The following ABI3BP variants were observed in gnomAD, a reference collection of about 807,000 sequenced individuals.
ABI3BP encodes ABI family member 3 binding protein, also known as target of Nesh-SH3.
Under a neutral mutation model 268.6 loss-of-function variants are expected in ABI3BP, and 216 were observed. The observed-to-expected ratio is 0.80, with a 90% confidence interval of 0.72 to 0.90. The LOEUF is 0.90. ABI3BP is among the 40% of genes least tolerant of loss of function. ABI3BP has a pLI of 0.00. For missense variants in ABI3BP, 2,090 were observed against 2,182.4 expected (o/e 0.96, Z 0.84); for synonymous variants, 730 against 730.0 (o/e 1.00, Z 0.00).
At chr3:100,849,224 C>CTTT (rs547312079) in intron 17 of ABI3BP, among the ~76,000 whole-genome samples, 29,566 of 125,204 alleles carry the variant, frequency 0.24, 3,916 homozygotes, top group South Asian at 0.3. Flanking sequence ...TTTGGAACTA[C>CTTT]TTTTTTTTTT....
chr3:100,927,077 A>G (rs1020650679), intron 1 of ABI3BP, among the ~76,000 whole-genome samples: 3 of 152,118 alleles, frequency 2.0e-5, no homozygotes, highest in African/African-American at 7.2e-5. Context: ...AGTGAGTGGG[A>G]TTTCTAAGTG....
chr3:100,766,292 G>C (rs920390939), intron 62 of ABI3BP, among the ~76,000 whole-genome samples: 3 of 152,222 alleles, frequency 2.0e-5, no homozygotes, highest in Admixed American at 6.5e-5. Flanking sequence ...TGCCGCTGCT[G>C]CAAAGCCCCA....
chr3:100,984,341 T>C (rs1227513617), intron 1 of ABI3BP, among the ~76,000 whole-genome samples: 1 of 152,228 alleles, frequency 6.6e-6, no homozygotes, highest in African/African-American at 2.4e-5. Flanking sequence ...AAATATTGAA[T>C]TGCTATGTCA....
rs114820011 is a variant in ABI3BP at position 100,787,479 on chromosome 3, G to A, written c.4162+249C>T. On this transcript the variant is annotated intron_variant, in intron 57 of 67. Transcript: ENST00000471714. ...ACTCAATTTATTCTTAATCAGGATC[G>A]TTTTCAGAAGCAAGATTATATATAG... Among the ~76,000 whole-genome samples, 549 of 152,120 alleles carry A rather than the reference G, an allele frequency of 3.6e-3. 5 individuals carry two copies. The highest frequency in any genetic ancestry group is 5.3e-3 in the Non-Finnish European group (361 of 67,972).
In ABI3BP at chr3:100,950,743, C is replaced by A. The variant is rs138198857; in HGVS notation, c.80-24262G>T. ...ACAAATATCTAATGGCATTTCATAT[C>A]TTTTCCACAAGGAAATCTTTCTTCT... On this transcript the variant is annotated intron_variant, in intron 1 of 67. Transcript: ENST00000471714. 7.3e-3 allele frequency among the ~76,000 whole-genome samples: 1,112 copies of A among 152,016 alleles called. 34 individuals are homozygous for A. The highest frequency in any genetic ancestry group is 0.026 in the African/African-American group (1,058 of 41,326).
intron 1 of ABI3BP, among the ~76,000 whole-genome samples, chr3:100,964,203 C>T (rs1212178811): frequency 1.3e-5 from 2 of 152,116 alleles, no homozygotes; most frequent in African/African-American, 2.4e-5. Flanking sequence ...GCGGCTCCAT[C>T]TTCCCTTTCT....
chr3:100,789,479 T>A lies in ABI3BP; in HGVS notation c.4062A>T (p.Thr1354=), dbSNP rs531667995. 141 of 1,601,480 alleles carry A rather than the reference T, an allele frequency of 8.8e-5. No individual in the cohort carries two copies. In the South Asian group the frequency reaches 1.5e-3, roughly 17 times the overall value. ...CAGGTCTGATGTGTGGCTTGTCAGA[T>A]GTTCTGGGCCTCACAGTAGTATAAA... ...HRFYTTVRPR[T]SDKPHIRPVL... is the part of the protein sequence containing the mutation. Residue 1354 remains threonine (T), a synonymous_variant, in exon 56 of 68, where the codon ACA becomes ACT. Coordinates refer to ENST00000471714, the MANE Select transcript of ABI3BP (RefSeq NM_001375547.2).
intron 1 of ABI3BP, among the ~76,000 whole-genome samples, chr3:100,971,267 T>C (rs963368802): frequency 1.3e-5 from 2 of 152,214 alleles, no homozygotes; most frequent in African/African-American, 4.8e-5. Context: ...AAGGATCTCA[T>C]GATTTAAGAA....
chr3:100,880,962 A>C (rs1457417017), intron 6 of ABI3BP, among the ~76,000 whole-genome samples: 1 of 152,132 alleles, frequency 6.6e-6, no homozygotes, highest in Non-Finnish European at 1.5e-5. Context: ...AGTGGCTCAA[A>C]GTCAAATTTC....
At chr3:100,885,750 G>A (rs1221017898) in intron 5 of ABI3BP, among the ~76,000 whole-genome samples, 162 bp from the exon 6 acceptor site, 1 of 151,886 alleles carries the variant, frequency 6.6e-6, no homozygotes, top group African/African-American at 2.4e-5. Context: ...TTTAATGACG[G>A]GATGACTGGA....
chr3:100,848,423 T>C (rs1187208878), intron 18 of ABI3BP, among the ~76,000 whole-genome samples: 2 of 152,160 alleles, frequency 1.3e-5, no homozygotes, highest in East Asian at 3.9e-4. Flanking sequence ...TAATTATTCA[T>C]CTTTAGTTAA....
At chr3:100,864,155 A>ATG in intron 11 of ABI3BP, 79 bp from the exon 12 acceptor site, 1 of 918,562 alleles carries the variant, frequency 1.1e-6, no homozygotes, top group Non-Finnish European at 1.7e-6. Context: ...CATGCACAGC[A>ATG]AGCTTTGTAA....
intron 1 of ABI3BP, among the ~76,000 whole-genome samples, chr3:100,934,706 T>C (rs1478836761): frequency 6.6e-6 from 1 of 150,836 alleles, no homozygotes; most frequent in African/African-American, 2.4e-5. Flanking sequence ...CTCATTGTGG[T>C]TTTGATTTGC....
chr3:100,822,785 C>T (rs116538350), intron 37 of ABI3BP, 113 bp from the exon 38 acceptor site: 20 of 883,838 alleles, frequency 2.3e-5, no homozygotes, highest in African/African-American at 1.0e-4. Context: ...CCTTTTAGTT[C>T]GAGATTTTTG....
intron 1 of ABI3BP, among the ~76,000 whole-genome samples, chr3:100,988,684 CT>C (rs1244707360): frequency 6.6e-6 from 1 of 152,138 alleles, no homozygotes. Flanking sequence ...GTAATTATCC[CT>C]TTCCACACCA....
chr3:100,972,100 A>G (rs1391169882), intron 1 of ABI3BP, among the ~76,000 whole-genome samples: 2 of 152,198 alleles, frequency 1.3e-5, no homozygotes, highest in African/African-American at 4.8e-5. Context: ...CACTAGCTCC[A>G]TGCATCAATG....
chr3:100,750,100 C>T lies in ABI3BP; in HGVS notation c.*395G>A, dbSNP rs911634959. 1.3e-5 allele frequency: 3 copies of T among 233,598 alleles called. No homozygotes were observed. Among genetic ancestry groups the T allele is most frequent in the Non-Finnish European group, 2.4e-5 (3 of 122,702 alleles). The allele number at this position is 233,598 out of a possible 1,614,324, so 14.5% of individuals were successfully genotyped here. A position where few individuals can be genotyped will look rare whatever the true frequency, so the allele number is the denominator to read the frequency against. On this transcript the variant is annotated 3_prime_UTR_variant, in exon 68 of 68. Transcript: ENST00000471714. ...TAAGTAGAGATTTATGGAATTAACT[C>T]ATCAATAGGAAGAGTACACATCAAT...
rs868197848 is a variant in ABI3BP at position 100,830,122 on chromosome 3, T to C, written c.2458+456A>G. Among the ~76,000 whole-genome samples, 94 of 27,980 alleles carry C rather than the reference T, an allele frequency of 3.4e-3. 1 individual carries two copies. Among genetic ancestry groups the C allele is most frequent in the Middle Eastern group, 0.032 (2 of 62 alleles). The allele number at this position is 27,980 out of a possible 152,430, so 18.4% of individuals were successfully genotyped here. ...ACATACATACATACATATATATATA[T>C]ATATATATATATATATATATATATA... On this transcript the variant is annotated intron_variant, in intron 32 of 67. Coordinates refer to ENST00000471714, the MANE Select transcript of ABI3BP (RefSeq NM_001375547.2).
In ABI3BP at chr3:100,911,979, A is replaced by G. The variant is rs1439588356; in HGVS notation, c.260-9293T>C. 5 of 839,724 alleles carry G rather than the reference A, an allele frequency of 6.0e-6. No homozygotes were observed. In the African/African-American group the frequency reaches 8.4e-5, roughly 14 times the overall value. 52.0% of individuals were successfully genotyped at this position (839,724 alleles called of 1,614,324 possible). ...TTCACTTGAGGAATTATAAAAGCTA[A>G]AAAAAGCATGGAATATATTTCTGAA... On this transcript the variant is annotated intron_variant, in intron 2 of 67. Transcript: ENST00000471714.
Sources: gnomAD v4.1 joint callset for allele counts (sites outside exome capture counted in the v4.1 genomes callset) on GRCh38, gnomAD v4.1.1 for gene constraint, MANE v1.5 for transcripts, NCBI Gene and HGNC (gene_info 2026-07-23, HGNC 2026-07-21) for gene names.